Variants in SHISA7 observed in about 807,000 individuals in gnomAD.
SHISA7 encodes the protein shisa family member 7.
In SHISA7, 6 loss-of-function variants were observed where a neutral mutation model predicts 23.9. That is an observed-to-expected ratio of 0.25 (90% CI 0.14 to 0.50). The LOEUF is 0.50. Among genes scored for constraint, SHISA7 ranks in the 20% least tolerant of loss-of-function variants. The pLI is 0.98. For synonymous variants in SHISA7, 386 were observed against 398.3 expected (o/e 0.97, Z 0.37); for missense variants, 671 against 801.1 (o/e 0.84, Z 1.96).
intron 2 of SHISA7, chr19:55,438,481 G>A (rs2123354880): frequency 1.6e-6 from 2 of 1,219,908 alleles, no homozygotes; most frequent in South Asian, 1.3e-5. Flanking sequence ...TCTATACTGG[G>A]CACCTGGCAT....
intron 2 of SHISA7, chr19:55,438,412 G>T: frequency 1.6e-6 from 1 of 610,104 alleles, no homozygotes; most frequent in Non-Finnish European, 2.5e-6. Context: ...GGCTCACTTG[G>T]TGACCTGGCC....
At position 55,440,675 on chromosome 19, in the gene SHISA7, A is replaced by G; in HGVS notation, c.762T>C (p.Gly254=). 1 of 1,249,366 alleles carries G rather than the reference A, an allele frequency of 8.0e-7. No individual in the cohort carries two copies. Among genetic ancestry groups the G allele is most frequent in the Non-Finnish European group, 1.0e-6 (1 of 988,308 alleles). The allele number at this position is 1,249,366 out of a possible 1,614,324, so 77.4% of individuals were successfully genotyped here. Residue 254 remains glycine, a synonymous_variant, in exon 2 of 4, where the codon GGT becomes GGC. Transcript: ENST00000376325. ...RSSSLTPGIG[G]PDSMPPRTPK... ...GCGTCCTGGGGGGCATGCTGTCGGG[A>G]CCGCCGATCCCCGGGGTCAGGGAGC...
chr19:55,433,630 C>T lies in SHISA7; in HGVS notation c.1143G>A (p.Arg381=). 6.7e-7 allele frequency: 1 copy of T among 1,490,888 alleles called. No individual in the cohort carries two copies. Among genetic ancestry groups the T allele is most frequent in the Non-Finnish European group, 8.9e-7 (1 of 1,127,508 alleles). The allele number at this position is 1,490,888 out of a possible 1,614,324, so 92.4% of individuals were successfully genotyped here. The stretch of plus-strand genomic sequence containing the variant: ...GCAGGTGCTCCTGGGACATGACCCG[C>T]CGGGGGTTGGGCGCGGGCGCCAGGC... ...ELGLAPAPNP[R]RVMSQEHLLG... The change falls in exon 4 of 4, where the codon CGG becomes CGA. Residue 381 remains arginine, a synonymous_variant. Coordinates refer to ENST00000376325, the MANE Select transcript of SHISA7 (RefSeq NM_001145176.2). The surrounding 1 kb of genome is among the most constrained non-coding windows in gnomAD (Gnocchi z 8.4).
chr19:55,434,696 CGT>C (rs573170507), intron 3 of SHISA7, among the ~76,000 whole-genome samples: 16 of 23,902 alleles, frequency 6.7e-4, no homozygotes, highest in Non-Finnish European at 1.0e-3. Flanking sequence ...GTGTATGGTG[CGT>C]GTGTGTGGTG....
chr19:55,433,579 G>A lies in SHISA7; in HGVS notation c.1194C>T (p.Tyr398=), dbSNP rs775257994. The A allele has an allele frequency of 1.8e-4, 263 of 1,498,502 alleles. No individual in the cohort carries two copies. Among genetic ancestry groups the A allele is most frequent in the Non-Finnish European group, 2.2e-4 (252 of 1,130,146 alleles). 92.8% of individuals were successfully genotyped at this position (1,498,502 alleles called of 1,614,324 possible). The change falls in exon 4 of 4, where the codon TAC becomes TAT. Residue 398 remains tyrosine (Y), a synonymous_variant. Coordinates refer to ENST00000376325, the MANE Select transcript of SHISA7 (RefSeq NM_001145176.2). This position sits in a 1 kb window ranked among gnomAD's most constrained non-coding sequence, Gnocchi z 8.4. The part of the protein sequence containing the change: ...HLLGDGGRSR[Y]EFTLPRARLV... ...GGCGCGCGCGCGGCAGCGTGAACTC[G>A]TAGCGCGAACGGCCACCATCGCCCA...
At chr19:55,438,938 T>C (rs925981360) in intron 2 of SHISA7, among the ~76,000 whole-genome samples, 6 of 151,906 alleles carry the variant, frequency 3.9e-5, no homozygotes, top group African/African-American at 1.5e-4. Flanking sequence ...CACCTCCCAC[T>C]CATGTCCACT....
chr19:55,436,392 C>A (rs1239952930), intron 3 of SHISA7, among the ~76,000 whole-genome samples: 1 of 151,746 alleles, frequency 6.6e-6, no homozygotes, highest in Admixed American at 6.6e-5. Context: ...ATCACAAGGT[C>A]AGGAGTTTGA....
At chr19:55,435,089 GGT>G (rs776130001) in intron 3 of SHISA7, among the ~76,000 whole-genome samples, 218 of 60,150 alleles carry the variant, frequency 3.6e-3, no homozygotes, top group African/African-American at 0.012. Flanking sequence ...TGGTGTGTGT[GGT>G]GTGTGTGTAT....
intron 2 of SHISA7, 140 bp from the exon 3 acceptor site, chr19:55,437,894 C>T (rs1371575744): frequency 9.4e-7 from 1 of 1,063,228 alleles, no homozygotes; most frequent in East Asian, 2.8e-5. Context: ...GTGCAGGCCC[C>T]CAGCCCCTCC....
chr19:55,434,957 G>C (rs1376592332), intron 3 of SHISA7, among the ~76,000 whole-genome samples: 2 of 108,264 alleles, frequency 1.8e-5, no homozygotes, highest in African/African-American at 7.3e-5. Context: ...TGTGTGGTGT[G>C]TGGGTGTGTG....
chr19:55,435,128 TGTG>T (rs1985406788), intron 3 of SHISA7, among the ~76,000 whole-genome samples: 1 of 108,840 alleles, frequency 9.2e-6, no homozygotes, highest in Admixed American at 9.6e-5. Flanking sequence ...GTGTGGTGTG[TGTG>T]GTGTATGTGT....
rs1193015689 is a variant in SHISA7 at position 55,442,515 on chromosome 19, C to G, written c.349G>C (p.Glu117Gln). ...CGTCHYRFCC[E>Q]HRHMRLAQAS... ...TGCGCCAGGCGCATGTGACGGTGCTCACAGCAGAAGCGGTAGTGGCAGGTG... is the reference window on the plus strand; with the variant it reads ...TGCGCCAGGCGCATGTGACGGTGCTGACAGCAGAAGCGGTAGTGGCAGGTG... The change falls in exon 1 of 4, where the codon GAG becomes CAG. Residue 117 changes from glutamate (E) to glutamine (Q), a missense_variant. Coordinates refer to ENST00000376325, the MANE Select transcript of SHISA7 (RefSeq NM_001145176.2). 7.4e-6 allele frequency: 11 copies of G among 1,478,994 alleles called. No individual in the cohort carries two copies. The South Asian group carries it at 1.3e-4, about 17-fold the overall frequency. 91.6% of individuals were successfully genotyped at this position (1,478,994 alleles called of 1,614,324 possible). A position where few individuals can be genotyped will look rare whatever the true frequency, so the allele number is the denominator to read the frequency against.
Position 55,433,539 on chromosome 19 carries a change from G to A in SHISA7, c.1234C>T (p.His412Tyr), listed in dbSNP as rs1295488659. Residue 412 changes from histidine to tyrosine, a missense_variant, in exon 4 of 4, where the codon CAC (histidine) becomes TAC (tyrosine). By Grantham distance (83) the His-to-Tyr change is moderately conservative (BLOSUM62 2). Coordinates refer to ENST00000376325, the MANE Select transcript of SHISA7 (RefSeq NM_001145176.2). This position sits in a 1 kb window ranked among gnomAD's most constrained non-coding sequence, Gnocchi z 8.4. ...GCCTCGGGCGAGGACAGCAGCAGGT[G>A]CTCCTGCGACACCAGGCGCGCGCGC... ...LPRARLVSQEHLLLSSPEALR... is the reference protein window; with the variant it reads ...LPRARLVSQEYLLLSSPEALR... 6.7e-7 allele frequency: 1 copy of A among 1,491,962 alleles called. No individual in the cohort carries two copies. Among genetic ancestry groups the A allele is most frequent in the East Asian group, 2.9e-5 (1 of 34,656 alleles). The allele number at this position is 1,491,962 out of a possible 1,614,324, so 92.4% of individuals were successfully genotyped here. A position where few individuals can be genotyped will look rare whatever the true frequency, so the allele number is the denominator to read the frequency against.
Position 55,432,863 on chromosome 19 carries a change from A to G in SHISA7, c.*293T>C. 1 of 369,156 alleles carries G rather than the reference A, an allele frequency of 2.7e-6. No individual in the cohort carries two copies. Among genetic ancestry groups the G allele is most frequent in the Non-Finnish European group, 4.9e-6 (1 of 203,520 alleles). The allele number at this position is 369,156 out of a possible 1,614,324, so 22.9% of individuals were successfully genotyped here. On this transcript the variant is annotated 3_prime_UTR_variant, in exon 4 of 4. Transcript: ENST00000376325. The surrounding 1 kb of genome is among the most constrained non-coding windows in gnomAD (Gnocchi z 4.6). ...CTTCCTCTGTGATGACCTCATGGGA[A>G]CGAGGCTTTGTCCCTGTGATGACAT...
intron 2 of SHISA7, among the ~76,000 whole-genome samples, chr19:55,439,989 T>A (rs1985558462): frequency 1.3e-5 from 2 of 150,660 alleles, no homozygotes; most frequent in African/African-American, 4.9e-5. Context: ...ATTTAAATGA[T>A]ATACAATATT....
At chr19:55,441,326 G>A (rs1430714672) in intron 1 of SHISA7, among the ~76,000 whole-genome samples, 1 of 152,068 alleles carries the variant, frequency 6.6e-6, no homozygotes, top group Non-Finnish European at 1.5e-5. Flanking sequence ...CGCGCAGCCC[G>A]CATAATTTAA....
At chr19:55,439,544 GC>G (rs1985546382) in intron 2 of SHISA7, among the ~76,000 whole-genome samples, 1 of 152,146 alleles carries the variant, frequency 6.6e-6, no homozygotes, top group Non-Finnish European at 1.5e-5. Flanking sequence ...GAGTTCCTCA[GC>G]CCAGCCTGGC....
At chr19:55,439,869 C>T (rs950845168) in intron 2 of SHISA7, among the ~76,000 whole-genome samples, 2 of 152,028 alleles carry the variant, frequency 1.3e-5, no homozygotes, top group African/African-American at 4.8e-5. Context: ...ACCTCCCCCT[C>T]GGAGAAGCCC....
chr19:55,438,510 G>T, intron 2 of SHISA7: 1 of 1,294,744 alleles, frequency 7.7e-7, no homozygotes. Flanking sequence ...CAACACAAAG[G>T]GGGAAGGGAA....
Sources: gnomAD v4.1 joint callset for allele counts (sites outside exome capture counted in the v4.1 genomes callset) on GRCh38, gnomAD v4.1.1 for gene constraint, Gnocchi (gnomAD v3.1) non-coding constraint, MANE v1.5 for transcripts, NCBI Gene and HGNC (gene_info 2026-07-23, HGNC 2026-07-21) for gene names.